The following CERS6 variants were observed in gnomAD, a reference collection of about 807,000 sequenced individuals.
CERS6 encodes the protein ceramide synthase 6, also known as LAG1 homolog, ceramide synthase 6.
A neutral mutation model predicts 56.8 loss-of-function variants in CERS6; 26 were observed. That is an observed-to-expected ratio of 0.46 (90% CI 0.34 to 0.63). The LOEUF is 0.63. Among genes scored for constraint, CERS6 ranks in the 30% least tolerant of loss-of-function variants. The probability of loss-of-function intolerance (pLI) is 0.01; values close to 1 mark genes in which losing one functional copy is unlikely to be tolerated. For synonymous variants in CERS6, 164 were observed against 173.3 expected (o/e 0.95, Z 0.42); for missense variants, 415 against 467.5 (o/e 0.89, Z 1.04).
At chr2:168,581,791 A>T (rs1389492013) in intron 3 of CERS6, among the ~76,000 whole-genome samples, 1 of 152,174 alleles carries the variant, frequency 6.6e-6, no homozygotes, top group African/African-American at 2.4e-5. Flanking sequence ...TGATTCATGG[A>T]ACCTGTTTTT....
At chr2:168,599,065 A>T (rs544283381) in intron 3 of CERS6, among the ~76,000 whole-genome samples, 2 of 152,238 alleles carry the variant, frequency 1.3e-5, no homozygotes, top group Non-Finnish European at 2.9e-5. Flanking sequence ...CAATTCTGCG[A>T]TGTAGGCTAG....
chr2:168,748,861 T>G (rs1684182241), intron 8 of CERS6, among the ~76,000 whole-genome samples: 1 of 151,816 alleles, frequency 6.6e-6, no homozygotes, highest in South Asian at 2.1e-4. Context: ...AATGCCATGC[T>G]GAGTTTGTGC....
In CERS6 at chr2:168,466,778, T is replaced by G. The variant is rs138413718; in HGVS notation, c.170+10160T>G. Among the ~76,000 whole-genome samples, 1,038 of 152,310 alleles carry G rather than the reference T, an allele frequency of 6.8e-3. 9 individuals are homozygous for G. Among genetic ancestry groups the G allele is most frequent in the African/African-American group, 0.023 (937 of 41,556 alleles). ...CTATTCCTACTTTTGCTTTTACTAT[T>G]ATAACTTAGAATTCGGTTGTGGGGC... On this transcript the variant is annotated intron_variant, in intron 1 of 9. Coordinates refer to ENST00000305747, the MANE Select transcript of CERS6 (RefSeq NM_203463.3).
intron 5 of CERS6, among the ~76,000 whole-genome samples, chr2:168,693,838 G>A (rs1171147764): frequency 6.6e-6 from 1 of 152,100 alleles, no homozygotes; most frequent in Non-Finnish European, 1.5e-5. Flanking sequence ...TCAGTCCACA[G>A]CAGTGCTCAT....
In CERS6 at chr2:168,772,715, A is replaced by C. The variant is rs748347087; in HGVS notation, c.*3053A>C. 1 of 152,526 alleles carries C rather than the reference A, an allele frequency of 6.6e-6. No homozygotes were observed. The highest frequency in any genetic ancestry group is 1.5e-5 in the Non-Finnish European group (1 of 68,030). 9.4% of individuals were successfully genotyped at this position (152,526 alleles called of 1,614,324 possible). ...TATGGATGTTGAGCATAGGGAAGCAACTCTCAGTATTTTGGATTATTCAAG... is the reference window on the plus strand; with the variant it reads ...TATGGATGTTGAGCATAGGGAAGCACCTCTCAGTATTTTGGATTATTCAAG... On this transcript the variant is annotated 3_prime_UTR_variant, in exon 10 of 10. Transcript: ENST00000305747.
chr2:168,637,389 G>A (rs2105302872), intron 4 of CERS6, among the ~76,000 whole-genome samples: 1 of 152,290 alleles, frequency 6.6e-6, no homozygotes, highest in African/African-American at 2.4e-5. Context: ...GGCTGAGGCA[G>A]GAGAATTGCT....
intron 6 of CERS6, 148 bp downstream of exon 6, chr2:168,695,199 T>A: frequency 1.6e-6 from 1 of 620,030 alleles, no homozygotes; most frequent in Non-Finnish European, 2.8e-6. Context: ...GAAAGTTCTC[T>A]ATTTTTGTTT....
At chr2:168,573,198 A>G (rs1234810456) in intron 3 of CERS6, among the ~76,000 whole-genome samples, 1 of 152,208 alleles carries the variant, frequency 6.6e-6, no homozygotes, top group African/African-American at 2.4e-5. Flanking sequence ...TATGGGGGAA[A>G]AAAAGGATAA....
At chr2:168,743,858 A>C (rs1684001683) in intron 8 of CERS6, among the ~76,000 whole-genome samples, 1 of 152,088 alleles carries the variant, frequency 6.6e-6, no homozygotes. Context: ...TGGGCCACAA[A>C]ATTTTTAAAA....
At chr2:168,522,443 A>G (rs1694999058) in intron 1 of CERS6, among the ~76,000 whole-genome samples, 1 of 152,160 alleles carries the variant, frequency 6.6e-6, no homozygotes, top group Admixed American at 6.5e-5. Flanking sequence ...CTTCTGAACA[A>G]TTTTCCCTGT....
At chr2:168,696,884 C>G (rs1453742979) in intron 6 of CERS6, among the ~76,000 whole-genome samples, 3 of 152,180 alleles carry the variant, frequency 2.0e-5, no homozygotes, top group African/African-American at 7.2e-5. Context: ...CTTTGCACCC[C>G]CATGACTATC....
chr2:168,659,351 C>G (rs577070752), intron 4 of CERS6, among the ~76,000 whole-genome samples: 1 of 152,212 alleles, frequency 6.6e-6, no homozygotes, highest in Non-Finnish European at 1.5e-5. Context: ...CTCCCTCACA[C>G]GATTTCCTAC....
At chr2:168,705,273 G>A (rs1241505391) in intron 6 of CERS6, among the ~76,000 whole-genome samples, 1 of 152,128 alleles carries the variant, frequency 6.6e-6, no homozygotes, top group Non-Finnish European at 1.5e-5. Context: ...ATGAGAATTA[G>A]GCAAATCAGA....
chr2:168,706,928 C>G (rs1298555684), intron 6 of CERS6, among the ~76,000 whole-genome samples: 2 of 152,176 alleles, frequency 1.3e-5, no homozygotes, highest in Non-Finnish European at 2.9e-5. Context: ...GCCACTATAG[C>G]AAGAAAACTG....
chr2:168,617,270 A>G (rs372292530), intron 3 of CERS6, among the ~76,000 whole-genome samples: 3 of 152,288 alleles, frequency 2.0e-5, no homozygotes, highest in South Asian at 4.1e-4. Flanking sequence ...AAATGCCTAC[A>G]TCAAAAAGTC....
At chr2:168,724,900 C>T (rs896128725) in intron 8 of CERS6, among the ~76,000 whole-genome samples, 2 of 152,240 alleles carry the variant, frequency 1.3e-5, no homozygotes, top group Non-Finnish European at 2.9e-5. Flanking sequence ...TGTGCCTGCA[C>T]TCCTCAGCCC....
At chr2:168,742,545 A>C (rs1683945043) in intron 8 of CERS6, among the ~76,000 whole-genome samples, 2 of 152,218 alleles carry the variant, frequency 1.3e-5, no homozygotes. Flanking sequence ...GGCAGATCCA[A>C]AGCAGGTCAA....
At chr2:168,588,983 G>C (rs1278370850) in intron 3 of CERS6, among the ~76,000 whole-genome samples, 1 of 152,172 alleles carries the variant, frequency 6.6e-6, no homozygotes, top group Non-Finnish European at 1.5e-5. Context: ...CAGGCAGTCT[G>C]CCTGCCTTGG....
At chr2:168,664,910 C>G (rs1333210405) in intron 4 of CERS6, among the ~76,000 whole-genome samples, 1 of 152,160 alleles carries the variant, frequency 6.6e-6, no homozygotes, top group African/African-American at 2.4e-5. Context: ...GATGGAGTTA[C>G]TCTGGTTCAC....
Sources: gnomAD v4.1 joint callset for allele counts (sites outside exome capture counted in the v4.1 genomes callset) on GRCh38, gnomAD v4.1.1 for gene constraint, MANE v1.5 for transcripts, NCBI Gene and HGNC (gene_info 2026-07-23, HGNC 2026-07-21) for gene names.